PTPN14: variants seen among roughly 807,000 people sequenced by gnomAD.
PTPN14 encodes the protein tyrosine-protein phosphatase non-receptor type 14.
PTPN14 carries 53 observed loss-of-function variants against 126.8 expected under a neutral mutation model. That is an observed-to-expected ratio of 0.42 (90% CI 0.34 to 0.53). The LOEUF (loss-of-function observed/expected upper bound fraction) is 0.53. Among genes scored for constraint, PTPN14 ranks in the 20% least tolerant of loss-of-function variants. The pLI, the probability that PTPN14 is intolerant of heterozygous loss-of-function variation, is 0.08. For missense variants in PTPN14, 1,257 were observed against 1,552.9 expected, an observed-to-expected ratio of 0.81 and a Z score of 3.20; for synonymous variants, 630 against 599.3, an observed-to-expected ratio of 1.05 and a Z score of -0.75.
At chr1:214,539,385 C>T (rs1246215910) in intron 1 of PTPN14, among the ~76,000 whole-genome samples, 4 of 152,118 alleles carry the variant, frequency 2.6e-5, no homozygotes, top group Non-Finnish European at 5.9e-5. Flanking sequence ...AAGTACTGAG[C>T]TCAGTCACTA....
rs1257234493 is a variant in PTPN14, at chr1:214,383,666, T to C, written c.2189A>G (p.Lys730Arg). Residue 730 changes from lysine to arginine, a missense_variant, in exon 13 of 19, where the codon AAG (lysine) becomes AGG (arginine). Physicochemically the swap from Lys to Arg is conservative, Grantham distance 26 (BLOSUM62 2). Around this residue, in one of 3 missense-constraint regions of PTPN14, gnomAD observed 1,021 missense variants for 1,183.3 expected, o/e 0.86. Transcript: ENST00000366956. This position sits in a 1 kb window ranked among gnomAD's most constrained non-coding sequence, Gnocchi z 4.4. ...SVPQIPMLRE[K>R]MEYSAQLQAA... ...CTGCAGCTGGGCACTGTACTCCATC[T>C]TCTCCCGGAGCATGGGGATCTGGGG... is the stretch of plus-strand genomic sequence containing the variant. 7 of 1,613,376 alleles carry C rather than the reference T, an allele frequency of 4.3e-6. No individual in the cohort carries two copies. The highest frequency in any genetic ancestry group is 2.7e-5 in the African/African-American group (2 of 74,946).
At chr1:214,398,922 C>T (rs1466773443) in intron 7 of PTPN14, among the ~76,000 whole-genome samples, 1 of 151,960 alleles carries the variant, frequency 6.6e-6, no homozygotes, top group Non-Finnish European at 1.5e-5. Context: ...GTGCATGCCA[C>T]CACACCTGGC....
At chr1:214,433,939 CACACACACACACAAAAA>C (rs1425654471) in intron 3 of PTPN14, among the ~76,000 whole-genome samples, 7 of 17,414 alleles carry the variant, frequency 4.0e-4, no homozygotes, top group Non-Finnish European at 4.2e-4. Flanking sequence ...CACACACACA[CACACACACACACAAAAA>C]AAAAAAAAAA....
chr1:214,397,839 G>T (rs1205859892), intron 8 of PTPN14, 74 bp downstream of exon 8: 9 of 1,221,800 alleles, frequency 7.4e-6, no homozygotes, highest in Non-Finnish European at 1.1e-5. Flanking sequence ...AACTCATTTG[G>T]ATGTTAATGT....
chr1:214,399,938 C>T (rs1248473395), intron 7 of PTPN14, among the ~76,000 whole-genome samples: 1 of 151,808 alleles, frequency 6.6e-6, no homozygotes, highest in Non-Finnish European at 1.5e-5. Flanking sequence ...GTATCTTACT[C>T]CTTCAAGGAA....
At chr1:214,534,655 G>A (rs1655654691) in intron 1 of PTPN14, among the ~76,000 whole-genome samples, 1 of 151,830 alleles carries the variant, frequency 6.6e-6, no homozygotes, top group African/African-American at 2.4e-5. Flanking sequence ...GGAGCTTGCA[G>A]TGAGCCAAGA....
chr1:214,407,311 G>A (rs1659192964), intron 5 of PTPN14, among the ~76,000 whole-genome samples: 1 of 152,124 alleles, frequency 6.6e-6, no homozygotes, highest in South Asian at 2.1e-4. Context: ...GATCACCTGA[G>A]GTTAGGAGTT....
chr1:214,407,435 G>A (rs1659196643), intron 5 of PTPN14, among the ~76,000 whole-genome samples: 1 of 151,752 alleles, frequency 6.6e-6, no homozygotes, highest in African/African-American at 2.4e-5. Context: ...GGCTGAGGTT[G>A]TAGTGAGCTG....
At chr1:214,437,262 AT>A (rs1659941803) in intron 3 of PTPN14, among the ~76,000 whole-genome samples, 1 of 152,072 alleles carries the variant, frequency 6.6e-6, no homozygotes, top group African/African-American at 2.4e-5. Context: ...AATTACTGAA[AT>A]CCATATGTAG....
At chr1:214,508,606 T>C (rs1281503237) in intron 1 of PTPN14, among the ~76,000 whole-genome samples, 1 of 152,228 alleles carries the variant, frequency 6.6e-6, no homozygotes, top group East Asian at 1.9e-4. Context: ...CTCCTGTTAT[T>C]ATTATTTTAA....
chr1:214,422,939 G>T (rs1019990864), intron 3 of PTPN14, among the ~76,000 whole-genome samples: 1 of 152,120 alleles, frequency 6.6e-6, no homozygotes, highest in Non-Finnish European at 1.5e-5. Context: ...ATGAACGAAT[G>T]AGGCAATGGA....
rs991713488 is a variant in PTPN14 at position 214,516,999 on chromosome 1, G to A, written c.-155+34184C>T. ...CAGTTCATGTTCCCTCTTTCCTCCT[G>A]GAGAAATTCTTTCTCATCTTCCCAC... On this transcript the variant is annotated intron_variant, in intron 1 of 18. Transcript: ENST00000366956. Among the ~76,000 whole-genome samples, 7 of 152,056 alleles carry A rather than the reference G, an allele frequency of 4.6e-5. No homozygotes were observed. The South Asian group carries it at 1.5e-3, about 32-fold the overall frequency.
At chr1:214,477,630 T>C (rs1253312025) in intron 1 of PTPN14, among the ~76,000 whole-genome samples, 1 of 152,202 alleles carries the variant, frequency 6.6e-6, no homozygotes. Flanking sequence ...GTTCAGCTGC[T>C]TGCATCCGTG....
intron 1 of PTPN14, among the ~76,000 whole-genome samples, chr1:214,486,696 A>C (rs1368627755): frequency 6.6e-6 from 1 of 152,156 alleles, no homozygotes; most frequent in Non-Finnish European, 1.5e-5. Context: ...TGTTTGCTGG[A>C]GGCACACACC....
chr1:214,532,906 G>A (rs556667665), intron 1 of PTPN14: 90 of 976,608 alleles, frequency 9.2e-5, no homozygotes, highest in Non-Finnish European at 1.4e-4. Context: ...CAAATCTCAG[G>A]ACCTCGCCAC....
chr1:214,483,388 G>A (rs1661045281), intron 1 of PTPN14: 1 of 1,602,356 alleles, frequency 6.2e-7, no homozygotes, highest in Non-Finnish European at 8.6e-7. Flanking sequence ...CCTTGATCAT[G>A]GCTGTGCCAG....
chr1:214,500,062 C>T (rs1459632465), intron 1 of PTPN14, among the ~76,000 whole-genome samples: 2 of 151,550 alleles, frequency 1.3e-5, no homozygotes, highest in Non-Finnish European at 2.9e-5. Context: ...AAATGTGGGA[C>T]ATTTTCTCAT....
intron 1 of PTPN14, among the ~76,000 whole-genome samples, chr1:214,505,564 G>C (rs1205451770): frequency 1.3e-5 from 2 of 152,196 alleles, no homozygotes; most frequent in African/African-American, 4.8e-5. Flanking sequence ...AAGAGGCTTA[G>C]CTACAAAGAA....
intron 4 of PTPN14, among the ~76,000 whole-genome samples, chr1:214,413,632 A>T (rs1221331396): frequency 1.3e-5 from 2 of 152,148 alleles, no homozygotes; most frequent in Non-Finnish European, 2.9e-5. Context: ...CTTTTCAAAA[A>T]CTATATTACC....
Sources: gnomAD v4.1 joint callset for allele counts (sites outside exome capture counted in the v4.1 genomes callset) on GRCh38, gnomAD v4.1.1 for gene constraint, gnomAD v4.1.1 regional missense constraint, Gnocchi (gnomAD v3.1) non-coding constraint, MANE v1.5 for transcripts, NCBI Gene and HGNC (gene_info 2026-07-23, HGNC 2026-07-21) for gene names.